The following CNDP1 variants were observed in gnomAD, a reference collection of about 807,000 sequenced individuals.
The protein encoded by CNDP1 is beta-Ala-His dipeptidase.
In CNDP1, 44 loss-of-function variants were observed where a neutral mutation model predicts 58.1. That is an observed-to-expected ratio of 0.76 (90% CI 0.60 to 0.97). The LOEUF is 0.97. Ranked by LOEUF, CNDP1 falls within the 50% of genes least tolerant of loss-of-function variation. The pLI, the probability that CNDP1 is intolerant of heterozygous loss-of-function variation, is 0.00. For synonymous variants in CNDP1, 254 were observed against 252.6 expected, an observed-to-expected ratio of 1.01 and a Z score of -0.05; for missense variants, 616 against 655.1, an observed-to-expected ratio of 0.94 and a Z score of 0.65.
At chr18:74,549,607 A>G (rs1980848729) in intron 1 of CNDP1, among the ~76,000 whole-genome samples, 1 of 152,228 alleles carries the variant, frequency 6.6e-6, no homozygotes, top group African/African-American at 2.4e-5. Context: ...AAAAATCATT[A>G]CCAGGAGAGG....
intron 1 of CNDP1, among the ~76,000 whole-genome samples, chr18:74,539,972 A>G (rs1158941763): frequency 6.6e-6 from 1 of 152,204 alleles, no homozygotes; most frequent in Admixed American, 6.5e-5. Context: ...AGGTGAGCAC[A>G]TGTGTGTATA....
chr18:74,539,905 C>T (rs2144638025), intron 1 of CNDP1, among the ~76,000 whole-genome samples: 1 of 152,328 alleles, frequency 6.6e-6, no homozygotes, highest in East Asian at 1.9e-4. Flanking sequence ...GATAATCCTA[C>T]AGCAAATTCC....
intron 9 of CNDP1, among the ~76,000 whole-genome samples, chr18:74,578,927 C>A (rs1447007651): frequency 6.6e-6 from 1 of 152,106 alleles, no homozygotes; most frequent in African/African-American, 2.4e-5. Context: ...ACCAACCAAT[C>A]ATCAATTTGC....
At chr18:74,544,794 A>G (rs1270581202) in intron 1 of CNDP1, among the ~76,000 whole-genome samples, 3 of 151,860 alleles carry the variant, frequency 2.0e-5, no homozygotes, top group Admixed American at 6.6e-5. Flanking sequence ...GTTAAATAAC[A>G]TTCCTTCAAA....
At position 74,580,198 on chromosome 18, in the gene CNDP1, T is replaced by C. The variant is rs1981754194; in HGVS notation, c.1236T>C (p.Thr412=). ...CCAACAAGATGGTTGTTTCCATGACTCTAGGACTACACCCGTGGATTGCAA... is the reference window on the plus strand; with the variant it reads ...CCAACAAGATGGTTGTTTCCATGACCCTAGGACTACACCCGTGGATTGCAA... The part of the protein sequence containing the change: ...NSSNKMVVSM[T]LGLHPWIANI... The change falls in exon 10 of 12, where the codon ACT becomes ACC. Residue 412 remains threonine, a synonymous_variant. Transcript: ENST00000358821. The C allele has an allele frequency of 6.2e-7, 1 of 1,613,954 alleles. No homozygotes were observed.
intron 1 of CNDP1, among the ~76,000 whole-genome samples, chr18:74,542,348 C>T (rs1262320871): frequency 1.2e-4 from 19 of 152,202 alleles, no homozygotes; most frequent in Non-Finnish European, 2.6e-4. Context: ...CTGAACAGAG[C>T]TTGTGGGCTT....
intron 6 of CNDP1, among the ~76,000 whole-genome samples, chr18:74,570,444 G>A (rs975954387): frequency 6.6e-6 from 1 of 152,074 alleles, no homozygotes; most frequent in Non-Finnish European, 1.5e-5. Context: ...GTTAAGTTTT[G>A]AGCTGCTGAC....
chr18:74,553,713 C>T (rs1020282168), intron 1 of CNDP1, among the ~76,000 whole-genome samples: 3 of 152,060 alleles, frequency 2.0e-5, no homozygotes, highest in Non-Finnish European at 4.4e-5. Flanking sequence ...AAATTCAGAC[C>T]CTTATTAGAA....
intron 1 of CNDP1, among the ~76,000 whole-genome samples, chr18:74,549,402 G>A (rs947006164): frequency 5.3e-5 from 8 of 152,070 alleles, no homozygotes; most frequent in Non-Finnish European, 7.4e-5. Context: ...AGAACTCCCC[G>A]AACAGTTTTT....
chr18:74,564,086 T>G (rs1296772814), intron 5 of CNDP1, among the ~76,000 whole-genome samples: 1 of 152,240 alleles, frequency 6.6e-6, no homozygotes, highest in Non-Finnish European at 1.5e-5. Context: ...TTTTCTAATT[T>G]TCTCATTTTA....
chr18:74,550,609 C>G (rs546080821), intron 1 of CNDP1, among the ~76,000 whole-genome samples: 11 of 147,538 alleles, frequency 7.5e-5, no homozygotes, highest in African/African-American at 2.8e-4. Context: ...GACAGTCTTG[C>G]TCTGTCACCC....
rs756820884 is a variant in CNDP1, at chr18:74,578,371, G to A, written c.1167+44G>A. ...GACAATAACATGTTTCAGTAACATG[G>A]TTTCTGAATCCCGCACATCACGGCT... On this transcript the variant is annotated intron_variant, in intron 9 of 11. Coordinates refer to ENST00000358821, the MANE Select transcript of CNDP1 (RefSeq NM_032649.6). 6 of 1,555,402 alleles carry A rather than the reference G, an allele frequency of 3.9e-6. No homozygotes were observed. The East Asian group carries it at 1.4e-4, about 35-fold the overall frequency.
chr18:74,582,817 T>G (rs1393662622), intron 10 of CNDP1, among the ~76,000 whole-genome samples: 1 of 151,980 alleles, frequency 6.6e-6, no homozygotes, highest in Non-Finnish European at 1.5e-5. Flanking sequence ...AAGTCTGGAG[T>G]GTAGTTAACA....
chr18:74,573,751 A>C (rs1477314800), intron 7 of CNDP1, among the ~76,000 whole-genome samples: 1 of 152,214 alleles, frequency 6.6e-6, no homozygotes, highest in Admixed American at 6.5e-5. Flanking sequence ...GCTGCATGGC[A>C]TCTTTTTCGG....
At chr18:74,575,101 AAAG>A (rs1368337963) in intron 7 of CNDP1, among the ~76,000 whole-genome samples, 18 of 142,234 alleles carry the variant, frequency 1.3e-4, no homozygotes, top group South Asian at 2.2e-4. Flanking sequence ...AGGAAAGAAA[AAAG>A]AAGGAAAGAA....
At chr18:74,557,068 A>G (rs977965647) in intron 2 of CNDP1, among the ~76,000 whole-genome samples, 1 of 151,984 alleles carries the variant, frequency 6.6e-6, no homozygotes, top group Admixed American at 6.5e-5. Flanking sequence ...GGCACCTGCC[A>G]ACACACCTGG....
At chr18:74,577,159 G>T in intron 8 of CNDP1, 130 bp downstream of exon 8, 3 of 872,478 alleles carry the variant, frequency 3.4e-6, no homozygotes, top group Non-Finnish European at 4.9e-6. Context: ...GAATTCCCAG[G>T]CATATTTTTG....
At chr18:74,581,218 CTGTGTGTGTGTGTGTGTGTGTG>C (rs56269857) in intron 10 of CNDP1, among the ~76,000 whole-genome samples, 7 of 138,424 alleles carry the variant, frequency 5.1e-5, no homozygotes, top group East Asian at 2.2e-4. Flanking sequence ...CACACCTATC[CTGTGTGTGTGTGTGTGTGTGTG>C]TGTGTGTGTG....
intron 1 of CNDP1, among the ~76,000 whole-genome samples, chr18:74,546,200 T>A (rs1375244003): frequency 6.6e-6 from 1 of 152,208 alleles, no homozygotes; most frequent in Admixed American, 6.5e-5. Flanking sequence ...CCGGAAGTAG[T>A]GCAAAGTGGT....
Sources: allele counts gnomAD v4.1 joint callset (sites outside exome capture counted in the v4.1 genomes callset), GRCh38; gene constraint gnomAD v4.1.1; transcripts MANE v1.5; gene names NCBI Gene and HGNC (gene_info 2026-07-23, HGNC 2026-07-21).